Variants in GSTCD observed in about 807,000 individuals in gnomAD.
GSTCD encodes the protein glutathione S-transferase C-terminal domain containing.
In GSTCD, 44 loss-of-function variants were observed where a neutral mutation model predicts 68.3. The observed-to-expected ratio is 0.64, with a 90% CI of 0.51 to 0.83. The LOEUF is 0.83. Among genes scored for constraint, GSTCD ranks in the 40% least tolerant of loss-of-function variants. The pLI, the probability that GSTCD is intolerant of heterozygous loss-of-function variation, is 0.00. For synonymous variants in GSTCD, 273 were observed against 255.2 expected (o/e 1.07, Z -0.67); for missense variants, 739 against 735.9 (o/e 1.00, Z -0.05).
chr4:105,737,175 A>T (rs566847082), intron 5 of GSTCD, among the ~76,000 whole-genome samples: 1 of 152,330 alleles, frequency 6.6e-6, no homozygotes, highest in South Asian at 2.1e-4. Flanking sequence ...ACTGTGTTTC[A>T]TAATGGCTGT....
rs1724031863 is a variant in GSTCD at position 105,834,516 on chromosome 4, A to G, written c.1586A>G (p.Lys529Arg). 4 of 1,614,154 alleles carry G rather than the reference A, an allele frequency of 2.5e-6. No individual in the cohort carries two copies. In the East Asian group the frequency reaches 6.7e-5, roughly 27 times the overall value. ...GACATGGTGATTGAGCACTGTATCA[A>G]AACACGGGCTTCCTTCGTCACATGC... ...ATDMVIEHCIKTRASFVTCPC... is the reference protein window; with the variant it reads ...ATDMVIEHCIRTRASFVTCPC... Residue 529 changes from lysine (K) to arginine (R), a missense_variant, in exon 9 of 12, where the codon AAA (lysine) becomes AGA (arginine). Physicochemically the swap from Lys to Arg is conservative, Grantham distance 26. Transcript: ENST00000515279.
intron 11 of GSTCD, among the ~76,000 whole-genome samples, chr4:105,843,720 A>G (rs993575341): frequency 6.6e-6 from 1 of 152,202 alleles, no homozygotes; most frequent in Non-Finnish European, 1.5e-5. Flanking sequence ...ATTAGGCCCC[A>G]CTTCCTAACA....
intron 5 of GSTCD, 127 bp downstream of exon 5, chr4:105,729,626 A>G (rs1733162678): frequency 2.2e-6 from 1 of 464,252 alleles, no homozygotes; most frequent in Non-Finnish European, 3.7e-6. Flanking sequence ...TTGAGTTTTC[A>G]TTTTATTTTT....
chr4:105,749,947 GATAT>G (rs1309081699), intron 5 of GSTCD, among the ~76,000 whole-genome samples: 1 of 152,196 alleles, frequency 6.6e-6, no homozygotes, highest in Admixed American at 6.5e-5. Context: ...CTTGGATCAA[GATAT>G]ATAAAGAGTT....
intron 5 of GSTCD, among the ~76,000 whole-genome samples, chr4:105,743,762 T>C (rs1476511619): frequency 1.3e-5 from 2 of 149,790 alleles, no homozygotes; most frequent in Non-Finnish European, 3.0e-5. Context: ...AGATTCACGC[T>C]GTTCTCCTGC....
At chr4:105,836,619 G>A (rs1363686634) in intron 9 of GSTCD, among the ~76,000 whole-genome samples, 2 of 152,136 alleles carry the variant, frequency 1.3e-5, no homozygotes, top group Non-Finnish European at 2.9e-5. Flanking sequence ...CCAAAGTCCA[G>A]AGGGGGCTGA....
At chr4:105,838,203 G>A (rs796808273) in intron 10 of GSTCD, among the ~76,000 whole-genome samples, 8 of 152,310 alleles carry the variant, frequency 5.3e-5, no homozygotes, top group African/African-American at 1.9e-4. Flanking sequence ...GGCAATAGTG[G>A]TAGCCACAAT....
At chr4:105,755,577 C>A (rs181183593) in intron 5 of GSTCD, among the ~76,000 whole-genome samples, 1 of 152,256 alleles carries the variant, frequency 6.6e-6, no homozygotes, top group East Asian at 1.9e-4. Context: ...CATCATCTGC[C>A]TGGAGATAGT....
At chr4:105,713,534 A>C (rs1578402743) in intron 1 of GSTCD, among the ~76,000 whole-genome samples, 1 of 152,324 alleles carries the variant, frequency 6.6e-6, no homozygotes, top group East Asian at 1.9e-4. Context: ...GTCTCTAAAT[A>C]AGATCTTTTA....
intron 5 of GSTCD, among the ~76,000 whole-genome samples, chr4:105,806,534 C>A (rs1341510500): frequency 1.3e-5 from 2 of 152,042 alleles, no homozygotes; most frequent in African/African-American, 4.8e-5. Flanking sequence ...ATATCCAAGT[C>A]TCTATGTTTT....
intron 5 of GSTCD, among the ~76,000 whole-genome samples, chr4:105,739,282 T>C (rs2149218639): frequency 6.6e-6 from 1 of 152,290 alleles, no homozygotes; most frequent in East Asian, 1.9e-4. Flanking sequence ...ATCAGGGATA[T>C]TGGCCTATAG....
intron 5 of GSTCD, 139 bp from the exon 6 acceptor site, chr4:105,822,815 A>G (rs1464234326): frequency 5.6e-5 from 30 of 537,744 alleles, no homozygotes; most frequent in Non-Finnish European, 9.6e-5. Context: ...TTTATCATTT[A>G]TTATTTTATA....
intron 7 of GSTCD, among the ~76,000 whole-genome samples, chr4:105,825,075 G>T (rs1328060415): frequency 6.6e-6 from 1 of 151,560 alleles, no homozygotes; most frequent in African/African-American, 2.4e-5. Flanking sequence ...TTTGTTTTTG[G>T]TTTTTTTGTT....
At chr4:105,726,320 G>A (rs12501484) in intron 3 of GSTCD, among the ~76,000 whole-genome samples, 149,868 of 152,308 alleles carry the variant, frequency 0.98, 73,745 homozygotes, top group East Asian at 1. Flanking sequence ...AGGCAAAATT[G>A]TAAACACAGA....
chr4:105,789,106 G>T (rs185240680), intron 5 of GSTCD, among the ~76,000 whole-genome samples: 2 of 152,114 alleles, frequency 1.3e-5, no homozygotes, highest in Admixed American at 1.3e-4. Context: ...TGTAGTTTGT[G>T]TGTCTATATG....
chr4:105,822,479 A>G (rs1440739041), intron 5 of GSTCD, among the ~76,000 whole-genome samples: 1 of 152,152 alleles, frequency 6.6e-6, no homozygotes, highest in Non-Finnish European at 1.5e-5. Context: ...AAATATTTTT[A>G]CTTATTATGG....
intron 5 of GSTCD, among the ~76,000 whole-genome samples, chr4:105,767,505 T>C (rs55642348): frequency 0.93 from 141,404 of 152,244 alleles, 65,700 homozygotes; most frequent in East Asian, 0.97. Context: ...TTATTAGGTT[T>C]TATTAGGTTT....
intron 8 of GSTCD, among the ~76,000 whole-genome samples, chr4:105,834,183 C>T (rs185675905): frequency 3.9e-5 from 6 of 152,188 alleles, no homozygotes; most frequent in Admixed American, 2.0e-4. Context: ...ATTCTTGTTT[C>T]GAATCTAGTG....
At chr4:105,733,609 A>G (rs1733337291) in intron 5 of GSTCD, among the ~76,000 whole-genome samples, 1 of 152,330 alleles carries the variant, frequency 6.6e-6, no homozygotes, top group South Asian at 2.1e-4. Flanking sequence ...TCTCCTGAAT[A>G]GAGCACACTG....
Sources: gnomAD v4.1 joint callset for allele counts (sites outside exome capture counted in the v4.1 genomes callset) on GRCh38, gnomAD v4.1.1 for gene constraint, MANE v1.5 for transcripts, NCBI Gene and HGNC (gene_info 2026-07-23, HGNC 2026-07-21) for gene names.